EPHB4: variants seen among roughly 807,000 people sequenced by gnomAD.
EPHB4 encodes the protein ephrin type-B receptor 4.
In EPHB4, 50 loss-of-function variants were observed where a neutral mutation model predicts 110.6. The ratio of observed to expected loss-of-function variants is 0.45; its 90% CI spans 0.36 to 0.57. The LOEUF (loss-of-function observed/expected upper bound fraction) is 0.57. Ranked by LOEUF, EPHB4 falls within the 20% of genes least tolerant of loss-of-function variation. The probability of loss-of-function intolerance (pLI) is 0.00; values close to 1 mark genes in which losing one functional copy is unlikely to be tolerated. For missense variants in EPHB4, 1,128 were observed against 1,382.1 expected, an observed-to-expected ratio of 0.82 and a Z score of 2.91; for synonymous variants, 592 against 578.4, an observed-to-expected ratio of 1.02 and a Z score of -0.34.
intron 8 of EPHB4, among the ~76,000 whole-genome samples, chr7:100,816,021 G>A (rs1813058059): frequency 1.3e-5 from 2 of 151,448 alleles, no homozygotes; most frequent in Non-Finnish European, 2.9e-5. Flanking sequence ...GGGCGTGGTG[G>A]CTCACGCCAG....
rs748821139 is a variant in EPHB4 at position 100,813,728 on chromosome 7, G to A, written c.1692-12C>T. On this transcript the variant is annotated splice_polypyrimidine_tract_variant and intron_variant, in intron 9 of 16. Transcript: ENST00000358173. ...CATTGCTCTGCTTCCTGTAGCCGAT[G>A]GGAAAGGAACAAAAGGTAAACTGAG... The A allele has an allele frequency of 1.2e-6, 2 of 1,614,186 alleles. No individual in the cohort carries two copies. Among genetic ancestry groups the A allele is most frequent in the Non-Finnish European group, 1.7e-6 (2 of 1,180,046 alleles).
At chr7:100,824,728 C>T (rs1451157038) in intron 1 of EPHB4, 1 of 170,278 alleles carries the variant, frequency 5.9e-6, no homozygotes, top group East Asian at 1.7e-4. Flanking sequence ...GTCCAAGACC[C>T]CTCTCTGCTT....
At chr7:100,816,756 G>A (rs1001554634) in intron 8 of EPHB4, among the ~76,000 whole-genome samples, 3 of 152,054 alleles carry the variant, frequency 2.0e-5, no homozygotes, top group African/African-American at 7.2e-5. Flanking sequence ...CCTCTCTAGG[G>A]CATGCCATGT....
chr7:100,825,440 C>G (rs886821137), intron 1 of EPHB4: 1 of 152,358 alleles, frequency 6.6e-6, no homozygotes, highest in Non-Finnish European at 1.5e-5. Flanking sequence ...GTCTCTGCCT[C>G]GGGCTGTCCG....
Position 100,826,960 on chromosome 7 carries a change from C to A in EPHB4, c.52+19G>T, listed in dbSNP as rs747046991. On this transcript the variant is annotated intron_variant, in intron 1 of 16. Transcript: ENST00000358173. ...TCCCAGGAGTGACGGGGTGCGCCCC[C>A]CCCCGCAAGGAAACTCACCTTCCAA... 7.2e-6 allele frequency: 11 copies of A among 1,533,898 alleles called. No individual in the cohort carries two copies. The highest frequency in any genetic ancestry group is 2.5e-5 in the East Asian group (1 of 40,718).
In EPHB4 at chr7:100,814,006, C is replaced by T. The variant is rs139594739; in HGVS notation, c.1604G>A (p.Arg535Gln). ...GCCCGCAATCAGGGCCAGCTGCTCCCGCCAGCCCTCGCTCTCTGCGGAAGG... is the reference window on the plus strand; with the variant it reads ...GCCCGCAATCAGGGCCAGCTGCTCCTGCCAGCCCTCGCTCTCTGCGGAAGG... ...QTQLDESEGW[R>Q]EQLALIAGTA... Residue 535 changes from arginine (R) to glutamine (Q), a missense_variant, in exon 9 of 17, where the codon CGG becomes CAG. Arg to Gln is a conservative substitution (Grantham distance 43, BLOSUM62 1). Transcript: ENST00000358173. The T allele has an allele frequency of 5.3e-5, 86 of 1,614,116 alleles. No individual in the cohort carries two copies. In the African/African-American group the frequency reaches 8.9e-4, roughly 17 times the overall value.
intron 6 of EPHB4, 128 bp downstream of exon 6, chr7:100,819,429 T>C: frequency 1.8e-6 from 2 of 1,090,846 alleles, no homozygotes; most frequent in Non-Finnish European, 2.6e-6. Flanking sequence ...TTTCTGCCTC[T>C]TGCCCCCAAA....
At chr7:100,819,225 G>A (rs1163859377) in intron 6 of EPHB4, among the ~76,000 whole-genome samples, 2 of 152,086 alleles carry the variant, frequency 1.3e-5, no homozygotes, top group Non-Finnish European at 2.9e-5. Flanking sequence ...CAATCCTCCT[G>A]CCTCAGCCTC....
intron 8 of EPHB4, chr7:100,814,235 G>A (rs967638048): frequency 3.9e-6 from 2 of 508,152 alleles, no homozygotes; most frequent in Admixed American, 3.7e-5. Flanking sequence ...AGTACCTCAG[G>A]GCAAGGGAGG....
chr7:100,819,480 C>T lies in EPHB4; in HGVS notation c.1297+77G>A, dbSNP rs542077793. The T allele has an allele frequency of 2.3e-4, 335 of 1,477,324 alleles. 1 individual carries two copies. The highest frequency in any genetic ancestry group is 9.1e-4 in the African/African-American group (65 of 71,066). The allele number at this position is 1,477,324 out of a possible 1,614,324, so 91.5% of individuals were successfully genotyped here. ...ACTTCCGGGGTACCCAACTTCACAG[C>T]CCCTGCCTCTCCCCTTCAGGCCCTC... is the stretch of plus-strand genomic sequence containing the variant. On this transcript the variant is annotated intron_variant, in intron 6 of 16. Coordinates refer to ENST00000358173, the MANE Select transcript of EPHB4 (RefSeq NM_004444.5).
chr7:100,815,988 T>TA (rs1454710317), intron 8 of EPHB4, among the ~76,000 whole-genome samples: 6 of 148,380 alleles, frequency 4.0e-5, no homozygotes, highest in South Asian at 2.1e-4. Flanking sequence ...CCGTGTCTCT[T>TA]AAAAAAAAGA....
intron 12 of EPHB4, among the ~76,000 whole-genome samples, chr7:100,811,012 G>T (rs1812920488): frequency 6.6e-6 from 1 of 151,986 alleles, no homozygotes; most frequent in Non-Finnish European, 1.5e-5. Context: ...CACTTTGAGG[G>T]GCCGAGATGG....
In EPHB4 at chr7:100,813,937, A is replaced by G. The variant is rs769007792; in HGVS notation, c.1673T>C (p.Val558Ala). The G allele has an allele frequency of 5.0e-6, 8 of 1,613,982 alleles. No homozygotes were observed. In the East Asian group the frequency reaches 1.8e-4, roughly 36 times the overall value. ...CCCTTACCTGAGGCAGAGAACTGCG[A>G]CCACAATGACCACCAGGACCAGGAC... ...GVVLVLVVIV[V>A]AVLCLRKQSN... is the part of the protein sequence containing the mutation. The change falls in exon 9 of 17, where the codon GTC becomes GCC. Residue 558 changes from valine (V) to alanine (A), a missense_variant. Around this residue, in one of 3 missense-constraint regions of EPHB4, gnomAD observed 728 missense variants for 828.6 expected, o/e 0.88. Coordinates refer to ENST00000358173, the MANE Select transcript of EPHB4 (RefSeq NM_004444.5).
chr7:100,817,443 C>G, intron 7 of EPHB4, 86 bp from the exon 8 acceptor site: 1 of 1,430,670 alleles, frequency 7.0e-7, no homozygotes. Context: ...GCCCTCCACT[C>G]CCATCACTAG....
intron 4 of EPHB4, among the ~76,000 whole-genome samples, chr7:100,821,435 C>G (rs972635147): frequency 2.0e-5 from 3 of 151,124 alleles, no homozygotes; most frequent in Non-Finnish European, 2.9e-5. Flanking sequence ...CGAGACCATC[C>G]TGGCTAACAC....
Position 100,812,959 on chromosome 7 carries a change from C to A in EPHB4, c.1906G>T (p.Ala636Ser), listed in dbSNP as rs1812972392. Residue 636 changes from alanine to serine, a missense_variant, in exon 12 of 17, where the codon GCC (alanine) becomes TCC (serine). Around this residue, in one of 3 missense-constraint regions of EPHB4, gnomAD observed 191 missense variants for 313.0 expected, o/e 0.61. Transcript: ENST00000358173. ...FGEVCRGRLK[A>S]PGKKESCVAI... Reference sequence around the variant, plus strand: ...ACACAGCTCTCCTTCTTCCCTGGGGCCTTGAGCCGCCCCCGGCACACCTCG... The same window carrying A: ...ACACAGCTCTCCTTCTTCCCTGGGGACTTGAGCCGCCCCCGGCACACCTCG... 2 of 1,613,858 alleles carry A rather than the reference C, an allele frequency of 1.2e-6. No individual in the cohort carries two copies. Among genetic ancestry groups the A allele is most frequent in the African/African-American group, 1.3e-5 (1 of 74,950 alleles).
intron 7 of EPHB4, among the ~76,000 whole-genome samples, chr7:100,817,635 TCTC>T (rs2116444852): frequency 6.6e-6 from 1 of 152,142 alleles, no homozygotes; most frequent in Admixed American, 6.5e-5. Flanking sequence ...TTCCAGTGAT[TCTC>T]CTGTCTCAGC....
chr7:100,818,032 A>G (rs927041410), intron 7 of EPHB4, among the ~76,000 whole-genome samples: 1 of 149,424 alleles, frequency 6.7e-6, no homozygotes, highest in Non-Finnish European at 1.5e-5. Context: ...GCGCCTGGCT[A>G]ATTTTTTGTA....
In EPHB4 at chr7:100,813,865, C is replaced by A. The variant is rs1021837543; in HGVS notation, c.1691+54G>T. On this transcript the variant is annotated intron_variant, in intron 9 of 16. Coordinates refer to ENST00000358173, the MANE Select transcript of EPHB4 (RefSeq NM_004444.5). Reference sequence around the variant, plus strand: ...AAAGGCTTGTCCTGTAGCACCCAGGCAGGTGGCCATCAACTGAGGGCTTCC... The same window carrying A: ...AAAGGCTTGTCCTGTAGCACCCAGGAAGGTGGCCATCAACTGAGGGCTTCC... 1.1e-5 allele frequency: 17 copies of A among 1,608,286 alleles called. No individual in the cohort carries two copies. The African/African-American group carries it at 2.3e-4, about 22-fold the overall frequency.
Sources: gnomAD v4.1 joint callset for allele counts (sites outside exome capture counted in the v4.1 genomes callset) on GRCh38, gnomAD v4.1.1 for gene constraint, gnomAD v4.1.1 regional missense constraint, MANE v1.5 for transcripts, NCBI Gene and HGNC (gene_info 2026-07-23, HGNC 2026-07-21) for gene names.